The following GPR158 variants were observed in gnomAD, a reference collection of about 807,000 sequenced individuals.
The protein encoded by GPR158 is G protein-coupled receptor 158, also known as metabotropic glycine receptor.
In GPR158, 30 loss-of-function variants were observed where a neutral mutation model predicts 78.2. The ratio of observed to expected loss-of-function variants is 0.38; its 90% CI spans 0.29 to 0.52. The LOEUF (loss-of-function observed/expected upper bound fraction) is 0.52, where lower values mean the gene tolerates loss of function less well. Ranked by LOEUF, GPR158 falls within the 20% of genes least tolerant of loss-of-function variation. The probability of loss-of-function intolerance (pLI) is 0.83; values close to 1 mark genes in which losing one functional copy is unlikely to be tolerated. For missense variants in GPR158, 1,463 were observed against 1,523.5 expected, an observed-to-expected ratio of 0.96 and a Z score of 0.66; for synonymous variants, 581 against 591.1, an observed-to-expected ratio of 0.98 and a Z score of 0.25.
chr10:25,495,482 C>T (rs1414589785), intron 5 of GPR158, among the ~76,000 whole-genome samples: 1 of 151,656 alleles, frequency 6.6e-6, no homozygotes, highest in Non-Finnish European at 1.5e-5. Flanking sequence ...TTAGTAGAGA[C>T]AGGGTTTCAC....
intron 1 of GPR158, among the ~76,000 whole-genome samples, chr10:25,178,627 GC>G (rs1852573691): frequency 2.0e-5 from 3 of 152,176 alleles, no homozygotes; most frequent in Non-Finnish European, 4.4e-5. Context: ...AAGGCACACA[GC>G]CAGCCATTTA....
chr10:25,470,299 G>A (rs561936221), intron 5 of GPR158, among the ~76,000 whole-genome samples: 1 of 152,242 alleles, frequency 6.6e-6, no homozygotes, highest in South Asian at 2.1e-4. Context: ...GAGAAGTGGG[G>A]TATTTTCGGA....
intron 2 of GPR158, among the ~76,000 whole-genome samples, chr10:25,370,981 G>T (rs1330359778): frequency 6.8e-6 from 1 of 147,946 alleles, no homozygotes; most frequent in African/African-American, 2.5e-5. Context: ...TCAGAGACTA[G>T]GATTGCAACC....
chr10:25,493,018 A>G (rs1376968291), intron 5 of GPR158, among the ~76,000 whole-genome samples: 6 of 152,138 alleles, frequency 3.9e-5, no homozygotes, highest in Non-Finnish European at 8.8e-5. Context: ...TACAAAGAGT[A>G]AAACCAACAA....
intron 2 of GPR158, among the ~76,000 whole-genome samples, chr10:25,351,497 TA>T (rs1305633547): frequency 6.6e-6 from 1 of 151,828 alleles, no homozygotes; most frequent in Non-Finnish European, 1.5e-5. Context: ...CAACGTAGGA[TA>T]AAATGTAAAT....
At chr10:25,518,460 T>A (rs78616615) in intron 5 of GPR158, among the ~76,000 whole-genome samples, 7,586 of 56,140 alleles carry the variant, frequency 0.14, 598 homozygotes, top group African/African-American at 0.16. Flanking sequence ...TTTAATTGTG[T>A]TGTTCGGGTG....
intron 4 of GPR158, among the ~76,000 whole-genome samples, chr10:25,429,040 G>C (rs897850957): frequency 6.6e-5 from 10 of 151,954 alleles, no homozygotes; most frequent in Non-Finnish European, 1.5e-5. Context: ...TCTGTTTAGG[G>C]ATAGCCCACC....
At chr10:25,565,077 A>G (rs1349298562) in intron 6 of GPR158, among the ~76,000 whole-genome samples, 3 of 152,234 alleles carry the variant, frequency 2.0e-5, no homozygotes, top group Admixed American at 2.0e-4. Flanking sequence ...TGTTATCAAA[A>G]TTCTTCCAAA....
chr10:25,390,805 T>G (rs764998693), intron 2 of GPR158, among the ~76,000 whole-genome samples: 4 of 152,132 alleles, frequency 2.6e-5, no homozygotes, highest in Non-Finnish European at 4.4e-5. Context: ...ATGCAGAAAT[T>G]TGCTTAATCA....
At chr10:25,311,449 CATT>C (rs1854763251) in intron 2 of GPR158, among the ~76,000 whole-genome samples, 1 of 151,724 alleles carries the variant, frequency 6.6e-6, no homozygotes, top group African/African-American at 2.4e-5. Flanking sequence ...TTTATTATAA[CATT>C]ATATTCAGTC....
At chr10:25,582,120 G>T (rs1280270863) in intron 7 of GPR158, among the ~76,000 whole-genome samples, 2 of 152,138 alleles carry the variant, frequency 1.3e-5, no homozygotes, top group Admixed American at 6.5e-5. Flanking sequence ...GGGGTGGGGG[G>T]TCTCTCCCAC....
intron 2 of GPR158, among the ~76,000 whole-genome samples, chr10:25,373,949 A>G (rs894465653): frequency 6.6e-6 from 1 of 151,594 alleles, no homozygotes; most frequent in African/African-American, 2.4e-5. Flanking sequence ...AAATTTTTTG[A>G]TTAGGTTGTT....
intron 5 of GPR158, among the ~76,000 whole-genome samples, chr10:25,497,209 T>C (rs1835893793): frequency 2.0e-5 from 3 of 152,142 alleles, no homozygotes; most frequent in African/African-American, 4.8e-5. Flanking sequence ...GTTTCCCAAA[T>C]TGGACTCCAT....
chr10:25,534,648 G>A (rs944494885), intron 5 of GPR158, among the ~76,000 whole-genome samples: 8 of 151,958 alleles, frequency 5.3e-5, no homozygotes. Context: ...CAACTATTTG[G>A]GAAGCTAACA....
intron 2 of GPR158, among the ~76,000 whole-genome samples, chr10:25,243,453 A>G (rs1334773112): frequency 6.6e-6 from 1 of 152,210 alleles, no homozygotes. Context: ...GGCCTTTCCC[A>G]CAATGCTATC....
At chr10:25,377,019 TC>T in intron 2 of GPR158, among the ~76,000 whole-genome samples, 1 of 151,820 alleles carries the variant, frequency 6.6e-6, no homozygotes, top group East Asian at 1.9e-4. Context: ...GGTGTTATTT[TC>T]TTTGTATTAA....
At chr10:25,187,122 G>A (rs1222432553) in intron 1 of GPR158, among the ~76,000 whole-genome samples, 2 of 151,736 alleles carry the variant, frequency 1.3e-5, no homozygotes, top group African/African-American at 4.8e-5. Context: ...CCGCCATCAC[G>A]CCCGGCTATT....
chr10:25,318,261 C>T (rs1403547954), intron 2 of GPR158, among the ~76,000 whole-genome samples: 1 of 151,404 alleles, frequency 6.6e-6, no homozygotes, highest in Non-Finnish European at 1.5e-5. Context: ...GCTCATTTTC[C>T]CCTTTACTGT....
chr10:25,576,055 TTG>T (rs991343016), intron 7 of GPR158, among the ~76,000 whole-genome samples: 3 of 139,494 alleles, frequency 2.2e-5, no homozygotes, highest in African/African-American at 7.5e-5. Flanking sequence ...AATTCTGTTG[TTG>T]TTTTTTTTTT....
Sources: allele counts gnomAD v4.1 joint callset (sites outside exome capture counted in the v4.1 genomes callset), GRCh38; gene constraint gnomAD v4.1.1; transcripts MANE v1.5; gene names NCBI Gene and HGNC (gene_info 2026-07-23, HGNC 2026-07-21).